Variants in NASP observed in about 807,000 individuals in gnomAD.
NASP encodes the protein nuclear autoantigenic sperm protein, also known as NASP histone chaperone.
Under a neutral mutation model 89.5 loss-of-function variants are expected in NASP, and 24 were observed. The observed-to-expected ratio is 0.27, with a 90% CI of 0.19 to 0.38. The LOEUF is 0.38. Ranked by LOEUF, NASP falls within the 10% of genes least tolerant of loss-of-function variation. NASP has a pLI of 1.00. For missense variants in NASP, 848 were observed against 921.4 expected (o/e 0.92, Z 1.03); for synonymous variants, 306 against 324.7 (o/e 0.94, Z 0.62).
intron 1 of NASP, among the ~76,000 whole-genome samples, chr1:45,589,981 G>T: frequency 6.6e-6 from 1 of 152,150 alleles, no homozygotes; most frequent in East Asian, 1.9e-4. Flanking sequence ...TTCTGATCCA[G>T]TAGTCCTCAG....
At chr1:45,602,913 G>A (rs1013504569) in intron 3 of NASP, among the ~76,000 whole-genome samples, 1 of 152,166 alleles carries the variant, frequency 6.6e-6, no homozygotes, top group Non-Finnish European at 1.5e-5. Flanking sequence ...TTACAGGCAT[G>A]AGCCACTGAG....
intron 2 of NASP, among the ~76,000 whole-genome samples, chr1:45,595,749 A>G (rs1643680499): frequency 6.6e-6 from 1 of 152,372 alleles, no homozygotes; most frequent in South Asian, 2.1e-4. Context: ...TTCACTTAGA[A>G]AATGTCCATG....
intron 1 of NASP, among the ~76,000 whole-genome samples, chr1:45,590,959 C>G (rs1643534050): frequency 6.6e-6 from 1 of 152,184 alleles, no homozygotes; most frequent in African/African-American, 2.4e-5. Flanking sequence ...AGCTTACAAC[C>G]TGTAGCTGAA....
intron 1 of NASP, among the ~76,000 whole-genome samples, chr1:45,589,351 C>T (rs1643456745): frequency 6.6e-6 from 1 of 151,992 alleles, no homozygotes; most frequent in African/African-American, 2.4e-5. Context: ...TTTTGAACCC[C>T]TGAGCTCAAG....
In NASP at chr1:45,607,739, A is replaced by G. The variant is rs1355667977; in HGVS notation, c.828A>G (p.Glu276=). Residue 276 remains glutamate (E), a synonymous_variant, in exon 6 of 15, where the codon GAA becomes GAG. Coordinates refer to ENST00000350030, the MANE Select transcript of NASP (RefSeq NM_002482.4). ...VIVSIEEKPK[E]VSEEQPVVTL... ...TGAGCATAGAGGAGAAGCCAAAAGA[A>G]GTTTCAGAAGAGCAGCCTGTGGTGA... The G allele has an allele frequency of 1.9e-6, 3 of 1,614,168 alleles. No individual in the cohort carries two copies. Among genetic ancestry groups the G allele is most frequent in the Non-Finnish European group, 1.7e-6 (2 of 1,180,016 alleles).
Position 45,606,511 on chromosome 1 carries a change from T to C in NASP, c.329T>C (p.Leu110Ser). The change falls in exon 5 of 15, where the codon TTG (leucine) becomes TCG (serine). Residue 110 changes from leucine to serine, a missense_variant. Transcript: ENST00000350030. ...RMENGVLGNALEGVHVEEEEG... is the reference protein window; with the variant it reads ...RMENGVLGNASEGVHVEEEEG... ...GAGAATGGTGTGTTGGGAAACGCCT[T>C]GGAAGGTGTGCATGTGGAAGAGGAA... 6.2e-7 allele frequency: 1 copy of C among 1,613,996 alleles called. No individual in the cohort carries two copies. The highest frequency in any genetic ancestry group is 8.5e-7 in the Non-Finnish European group (1 of 1,179,842).
At chr1:45,594,660 CTA>C (rs1182986226) in intron 2 of NASP, 1 of 450,148 alleles carries the variant, frequency 2.2e-6, no homozygotes, top group East Asian at 7.0e-5. Flanking sequence ...ATGTGTGCCA[CTA>C]TGCCTGGCTA....
rs751614188 is a variant in NASP at position 45,608,233 on chromosome 1, C to T, written c.1322C>T (p.Thr441Ile). The change falls in exon 6 of 15, where the codon ACC (threonine) becomes ATC (isoleucine). Residue 441 changes from threonine (T) to isoleucine (I), a missense_variant. Physicochemically the swap from Thr to Ile is moderately conservative, Grantham distance 89. This residue lies in a region of NASP where 464 missense variants were observed against 469.4 expected (regional missense o/e 0.99). Coordinates refer to ENST00000350030, the MANE Select transcript of NASP (RefSeq NM_002482.4). The part of the protein sequence containing the change: ...ESEAAGDGVD[T>I]KVAQGATEKS... ...GAGGCAGCTGGAGATGGGGTTGATA[C>T]CAAGGTAGCCCAGGGAGCTACTGAG... 4.3e-6 allele frequency: 7 copies of T among 1,613,914 alleles called. No homozygotes were observed. The highest frequency in any genetic ancestry group is 2.2e-5 in the South Asian group (2 of 91,074).
intron 1 of NASP, among the ~76,000 whole-genome samples, chr1:45,586,264 G>T (rs1644536050): frequency 1.4e-5 from 1 of 72,086 alleles, no homozygotes; most frequent in African/African-American, 5.6e-5. Context: ...GTGTGTGTGT[G>T]TGTGTGTGTG....
chr1:45,586,289 GTGTGT>G (rs1644545296), intron 1 of NASP, among the ~76,000 whole-genome samples: 1 of 99,658 alleles, frequency 1.0e-5, no homozygotes, highest in African/African-American at 4.8e-5. Flanking sequence ...TGTGTGGTGT[GTGTGT>G]GTGTGTGTGT....
Position 45,603,259 on chromosome 1 carries a change from C to A in NASP, c.218+894C>A, listed in dbSNP as rs540079714. On this transcript the variant is annotated intron_variant, in intron 3 of 14. Coordinates refer to ENST00000350030, the MANE Select transcript of NASP (RefSeq NM_002482.4). ...CAAGCAACAGGCTTTTGGTCTATGG[C>A]GAGGTTTGAGTTTCCTCAAATATAG... Among the ~76,000 whole-genome samples the A allele has an allele frequency of 2.2e-4, 34 of 152,212 alleles. No individual in the cohort carries two copies. The South Asian group carries it at 6.8e-3, about 31-fold the overall frequency.
intron 2 of NASP, among the ~76,000 whole-genome samples, chr1:45,598,573 G>A (rs974719644): frequency 1.3e-5 from 2 of 152,118 alleles, no homozygotes; most frequent in Non-Finnish European, 1.5e-5. Flanking sequence ...GTTAAGTCCA[G>A]TGGCTTTAAG....
At chr1:45,598,618 T>C (rs1434637118) in intron 2 of NASP, among the ~76,000 whole-genome samples, 1 of 152,186 alleles carries the variant, frequency 6.6e-6, no homozygotes, top group Non-Finnish European at 1.5e-5. Context: ...CCAGTCCCCA[T>C]ATCTCTCCCA....
In NASP at chr1:45,607,424, T is replaced by C. The variant is rs1557660880; in HGVS notation, c.513T>C (p.Asp171=). The change falls in exon 6 of 15, where the codon GAT becomes GAC. Residue 171 remains aspartate, a synonymous_variant. Transcript: ENST00000350030. Reference sequence around the variant, plus strand: ...AGTCTTTGGCAAAGCCTGAAACTGATAAAGAACAGGACAGTGAAATGGAGA... The same window carrying C: ...AGTCTTTGGCAAAGCCTGAAACTGACAAAGAACAGGACAGTGAAATGGAGA... ...EDKSLAKPET[D]KEQDSEMEKG... 1.2e-6 allele frequency: 2 copies of C among 1,613,710 alleles called. No homozygotes were observed.
intron 2 of NASP, among the ~76,000 whole-genome samples, chr1:45,600,615 A>G (rs546709909): frequency 1.3e-5 from 2 of 152,258 alleles, no homozygotes; most frequent in Admixed American, 1.3e-4. Context: ...TTGGGTTTCC[A>G]GTTTTTGGCT....
At chr1:45,591,100 T>C in intron 1 of NASP, 123 bp from the exon 2 acceptor site, 1 of 569,270 alleles carries the variant, frequency 1.8e-6, no homozygotes, top group Non-Finnish European at 3.0e-6. Context: ...AAGTAAATAA[T>C]ACTTGAGTAT....
At chr1:45,600,467 GTTTC>G (rs1381217551) in intron 2 of NASP, 2 of 1,178,760 alleles carry the variant, frequency 1.7e-6, no homozygotes, top group African/African-American at 3.3e-5. Context: ...AGTAAGTACT[GTTTC>G]TTTTTGTATA....
chr1:45,591,187 G>A, intron 1 of NASP, 36 bp from the exon 2 acceptor site: 1 of 1,339,584 alleles, frequency 7.5e-7, no homozygotes, highest in Non-Finnish European at 1.0e-6. Context: ...ATTGCCTCCA[G>A]TTTTACATTT....
At position 45,606,563 on chromosome 1, in the gene NASP, T is replaced by C; in HGVS notation, c.381T>C (p.Ser127=). 1 of 1,610,954 alleles carries C rather than the reference T, an allele frequency of 6.2e-7. No homozygotes were observed. The highest frequency in any genetic ancestry group is 8.5e-7 in the Non-Finnish European group (1 of 1,177,136). ...EEEGEKTEDE[S]LVENNDNIDE... ...AAGGAGAAAAAACAGAAGATGAATC[T>C]CTGGTAGAAAATAATGATAACATAG... The change falls in exon 5 of 15, where the codon TCT becomes TCC. Residue 127 remains serine (S), a synonymous_variant. Transcript: ENST00000350030.
Sources: gnomAD v4.1 joint callset for allele counts (sites outside exome capture counted in the v4.1 genomes callset) on GRCh38, gnomAD v4.1.1 for gene constraint, gnomAD v4.1.1 regional missense constraint, MANE v1.5 for transcripts, NCBI Gene and HGNC (gene_info 2026-07-23, HGNC 2026-07-21) for gene names.